ATF3: variants seen among roughly 807,000 people sequenced by gnomAD.
ATF3 encodes the protein cyclic AMP-dependent transcription factor ATF-3.
In ATF3, 10 loss-of-function variants were observed where a neutral mutation model predicts 18.4. That is an observed-to-expected ratio of 0.54 (90% CI 0.34 to 0.92). The LOEUF (loss-of-function observed/expected upper bound fraction) is 0.92. Among genes scored for constraint, ATF3 ranks in the 40% least tolerant of loss-of-function variants. The pLI is 0.02. For missense variants in ATF3, 183 were observed against 222.3 expected (o/e 0.82, Z 1.12); for synonymous variants, 78 against 87.9 (o/e 0.89, Z 0.63).
chr1:212,593,281 A>C (rs961217339), intron 1 of ATF3, among the ~76,000 whole-genome samples: 1 of 116,892 alleles, frequency 8.6e-6, no homozygotes, highest in African/African-American at 3.3e-5. Context: ...CACACACCGG[A>C]GACTGTTGTG....
At chr1:212,574,842 C>T (rs1234428020) in intron 1 of ATF3, among the ~76,000 whole-genome samples, 2 of 151,914 alleles carry the variant, frequency 1.3e-5, no homozygotes, top group African/African-American at 2.4e-5. Flanking sequence ...TGTTCGGTTC[C>T]ATTAATCTAT....
Position 212,619,282 on chromosome 1 carries a change from C to A in ATF3, c.349-76C>A. On this transcript the variant is annotated intron_variant, in intron 3 of 3. Transcript: ENST00000341491. This position sits in a 1 kb window ranked among gnomAD's most constrained non-coding sequence, Gnocchi z 4.4. ...TGTGTCCCAGGTACACCCCTGCATC[C>A]AGGCAGCAGCCCAGGCCACCCCCTC... 1 of 1,611,630 alleles carries A rather than the reference C, an allele frequency of 6.2e-7. No homozygotes were observed. The highest frequency in any genetic ancestry group is 8.5e-7 in the Non-Finnish European group (1 of 1,179,874).
intron 1 of ATF3, among the ~76,000 whole-genome samples, chr1:212,601,554 T>C (rs1654484901): frequency 6.6e-6 from 1 of 152,344 alleles, no homozygotes; most frequent in Admixed American, 6.5e-5. Flanking sequence ...CTATGAGCAA[T>C]TTTCTTAACC....
At chr1:212,592,189 T>C (rs924115149) in intron 1 of ATF3, among the ~76,000 whole-genome samples, 9 of 152,160 alleles carry the variant, frequency 5.9e-5, no homozygotes, top group African/African-American at 2.2e-4. Context: ...TAACCACTAT[T>C]CTACTTTCTG....
chr1:212,606,077 G>A (rs957740920), upstream of ATF3, among the ~76,000 whole-genome samples: 9 of 152,230 alleles, frequency 5.9e-5, no homozygotes, highest in East Asian at 1.7e-3. Context: ...CTGAAGTCAG[G>A]GTAAAATAAG....
chr1:212,605,362 T>C (rs1654592817), upstream of ATF3, among the ~76,000 whole-genome samples: 2 of 152,206 alleles, frequency 1.3e-5, no homozygotes, highest in Admixed American at 1.3e-4. Context: ...AAACTGACTT[T>C]GTAGAAAGAG....
At chr1:212,572,621 A>G (rs964642289) in intron 1 of ATF3, among the ~76,000 whole-genome samples, 1 of 152,240 alleles carries the variant, frequency 6.6e-6, no homozygotes, top group African/African-American at 2.4e-5. Flanking sequence ...AAAGAATACT[A>G]TTGAGATTTT....
chr1:212,571,315 TTGATTA>T (rs1173647740), intron 1 of ATF3, among the ~76,000 whole-genome samples: 1 of 152,222 alleles, frequency 6.6e-6, no homozygotes, highest in Non-Finnish European at 1.5e-5. Context: ...AAAAGTTATT[TTGATTA>T]TGATTTGAGG....
chr1:212,599,174 T>C (rs1049471432), intron 1 of ATF3, among the ~76,000 whole-genome samples: 1 of 152,254 alleles, frequency 6.6e-6, no homozygotes, highest in African/African-American at 2.4e-5. Flanking sequence ...TGAGATGATA[T>C]GTATCTTGCA....
chr1:212,608,448 G>C (rs896759403), upstream of ATF3, among the ~76,000 whole-genome samples: 16 of 152,156 alleles, frequency 1.1e-4, no homozygotes, highest in Non-Finnish European at 1.6e-4. Flanking sequence ...ACGCACATCT[G>C]GCGGCTATCC....
chr1:212,568,736 G>A (rs535636133), intron 1 of ATF3, among the ~76,000 whole-genome samples: 1 of 152,200 alleles, frequency 6.6e-6, no homozygotes, highest in South Asian at 2.1e-4. Context: ...TTCTCCGATG[G>A]GGGTAAATAC....
Position 212,616,298 on chromosome 1 carries a change from C to G in ATF3, c.240+1037C>G, listed in dbSNP as rs561990991. 1.1e-4 allele frequency among the ~76,000 whole-genome samples: 16 copies of G among 141,418 alleles called. No individual in the cohort carries two copies. In the East Asian group the frequency reaches 3.6e-3, roughly 32 times the overall value. The allele number at this position is 141,418 out of a possible 152,430, so 92.8% of individuals were successfully genotyped here. On this transcript the variant is annotated intron_variant, in intron 2 of 3. Transcript: ENST00000341491. ...ACACACACACACACACAGATACACA[C>G]ACACACTTTTTTTTTTGAGACAGAG...
chr1:212,598,522 A>G (rs1234600091), intron 1 of ATF3, among the ~76,000 whole-genome samples: 1 of 152,228 alleles, frequency 6.6e-6, no homozygotes, highest in East Asian at 1.9e-4. Flanking sequence ...TTTTGACTAC[A>G]GTCACCTTGC....
intron 1 of ATF3, among the ~76,000 whole-genome samples, chr1:212,588,025 G>A (rs780095878): frequency 6.6e-6 from 1 of 151,492 alleles, no homozygotes; most frequent in Non-Finnish European, 1.5e-5. Context: ...GCGATTATGG[G>A]AGGTGAGTGA....
intron 2 of ATF3, among the ~76,000 whole-genome samples, chr1:212,616,453 G>A (rs911639521): frequency 2.6e-5 from 4 of 152,046 alleles, no homozygotes; most frequent in African/African-American, 7.2e-5. Context: ...CCCGCCACAC[G>A]TCTGGCTAAT....
chr1:212,597,342 G>A (rs1654313466), intron 1 of ATF3, among the ~76,000 whole-genome samples: 1 of 152,078 alleles, frequency 6.6e-6, no homozygotes, highest in Admixed American at 6.5e-5. Context: ...GAACTGTAAG[G>A]AATTTCAGAA....
intron 1 of ATF3, among the ~76,000 whole-genome samples, chr1:212,588,596 T>C (rs938581329): frequency 6.7e-6 from 1 of 149,922 alleles, no homozygotes; most frequent in Non-Finnish European, 1.5e-5. Context: ...GTTTAAAAAC[T>C]CTAACAATAC....
intron 2 of ATF3, among the ~76,000 whole-genome samples, chr1:212,617,395 C>T (rs1196985702): frequency 6.6e-6 from 1 of 152,222 alleles, no homozygotes; most frequent in East Asian, 1.9e-4. Flanking sequence ...TGAGGTTCCA[C>T]CATTTTATTG....
intron 1 of ATF3, among the ~76,000 whole-genome samples, chr1:212,568,001 C>G (rs999782802): frequency 1.3e-5 from 2 of 152,156 alleles, no homozygotes; most frequent in Non-Finnish European, 2.9e-5. Context: ...GAAGAAGAGC[C>G]TTGAACTTTT....
Sources: allele counts gnomAD v4.1 joint callset (sites outside exome capture counted in the v4.1 genomes callset), GRCh38; gene constraint gnomAD v4.1.1; non-coding constraint Gnocchi (gnomAD v3.1); transcripts MANE v1.5; gene names NCBI Gene and HGNC (gene_info 2026-07-23, HGNC 2026-07-21).